OS9: variants seen among roughly 807,000 people sequenced by gnomAD.
OS9 encodes the protein protein OS-9.
In OS9, 58 loss-of-function variants were observed where a neutral mutation model predicts 84.7. The observed-to-expected ratio is 0.68, with a 90% confidence interval of 0.55 to 0.85. The LOEUF is 0.85. Ranked by LOEUF, OS9 falls within the 40% of genes least tolerant of loss-of-function variation. The pLI, the probability that OS9 is intolerant of heterozygous loss-of-function variation, is 0.00. For missense variants in OS9, 760 were observed against 850.9 expected (o/e 0.89, Z 1.33); for synonymous variants, 278 against 320.8 (o/e 0.87, Z 1.43).
chr12:57,715,402 A>G (rs566600828), intron 5 of OS9, among the ~76,000 whole-genome samples: 1 of 151,880 alleles, frequency 6.6e-6, no homozygotes, highest in African/African-American at 2.4e-5. Context: ...TATGAAGCAA[A>G]TAAAAGTATA....
chr12:57,718,210 C>T lies in OS9; in HGVS notation c.1199C>T (p.Pro400Leu), dbSNP rs757807358. The T allele has an allele frequency of 6.2e-7, 1 of 1,613,996 alleles. No individual in the cohort carries two copies. Among genetic ancestry groups the T allele is most frequent in the Non-Finnish European group, 8.5e-7 (1 of 1,180,012 alleles). Residue 400 changes from proline (P) to leucine (L), a missense_variant, in exon 11 of 15, where the codon CCA (proline) becomes CTA (leucine). By Grantham distance (98) the Pro-to-Leu change is moderately conservative (BLOSUM62 -3). Transcript: ENST00000315970. ...GCTGCAGAAGTCCCTCAGAGGGAAC[C>T]AGAGAAGGAAAGGGGTGATCCAGAA... ...DDAAEVPQREPEKERGDPERQ... is the reference protein window; with the variant it reads ...DDAAEVPQRELEKERGDPERQ...
At chr12:57,697,939 A>AAG (rs1953912097) in intron 5 of OS9, among the ~76,000 whole-genome samples, 1 of 146,830 alleles carries the variant, frequency 6.8e-6, no homozygotes, top group Non-Finnish European at 1.5e-5. Context: ...ACACACACAC[A>AAG]CACACACACA....
At chr12:57,708,555 G>C (rs1028413170) in intron 5 of OS9, among the ~76,000 whole-genome samples, 22 of 151,716 alleles carry the variant, frequency 1.5e-4, no homozygotes, top group African/African-American at 5.3e-4. Flanking sequence ...TTCAGCCCAG[G>C]AGGTCAAGGT....
rs547509058 is a variant in OS9, at chr12:57,719,226, T to C, written c.1600+44T>C. On this transcript the variant is annotated intron_variant, in intron 12 of 14. Transcript: ENST00000315970. The stretch of plus-strand genomic sequence containing the variant: ...GAAAGAGTAGCCCAGTCTGTTGTTT[T>C]CATCCCTCAGCTGGTTCTGTTCCCA... 267 of 1,559,526 alleles carry C rather than the reference T, an allele frequency of 1.7e-4. 1 individual carries two copies. In the South Asian group the frequency reaches 2.3e-3, roughly 13 times the overall value.
chr12:57,695,913 T>G (rs1953814530), intron 3 of OS9, 49 bp from the exon 4 acceptor site: 1 of 1,569,742 alleles, frequency 6.4e-7, no homozygotes, highest in African/African-American at 1.3e-5. Context: ...TCCCTCCTCC[T>G]CCTCCTCCTC....
chr12:57,717,943 A>T lies in OS9; in HGVS notation c.1119A>T (p.Lys373Asn). ...TGATTCGATTCATAGAGGAGCTGAA[A>T]GGTGGAACAAAAAAGGTATAGGCCG... ...ADLIRFIEELKGGTKKGKPNI... is the reference protein window; with the variant it reads ...ADLIRFIEELNGGTKKGKPNI... The change falls in exon 10 of 15, where the codon AAA (lysine) becomes AAT (asparagine). Residue 373 changes from lysine (K) to asparagine (N), a missense_variant. Physicochemically the swap from Lys to Asn is moderately conservative, Grantham distance 94 (BLOSUM62 0). Coordinates refer to ENST00000315970, the MANE Select transcript of OS9 (RefSeq NM_006812.4). 1 of 1,612,616 alleles carries T rather than the reference A, an allele frequency of 6.2e-7. No homozygotes were observed. The highest frequency in any genetic ancestry group is 8.5e-7 in the Non-Finnish European group (1 of 1,179,416).
rs1353805301 is a variant in OS9 at position 57,719,129 on chromosome 12, A to G, written c.1547A>G (p.His516Arg). 1 of 1,614,054 alleles carries G rather than the reference A, an allele frequency of 6.2e-7. No individual in the cohort carries two copies. Among genetic ancestry groups the G allele is most frequent in the Non-Finnish European group, 8.5e-7 (1 of 1,180,042 alleles). The change falls in exon 12 of 15, where the codon CAC (histidine) becomes CGC (arginine). Residue 516 changes from histidine (H) to arginine (R), a missense_variant. Transcript: ENST00000315970. ...EKQSPELVKK[H>R]KKKRVVPKKP... ...CAGAGTCCAGAGCTGGTGAAGAAGC[A>G]CAAGAAAAAGAGGGTTGTCCCCAAA...
At chr12:57,705,070 CATTTTCTTCTTGGCTTCTCTTTTGTTCCA>C (rs1172049738) in intron 5 of OS9, among the ~76,000 whole-genome samples, 3 of 152,222 alleles carry the variant, frequency 2.0e-5, no homozygotes, top group Non-Finnish European at 4.4e-5. Flanking sequence ...AATATATGTG[CATTTTCTTCTTGGCTTCTCTTTTGTTCCA>C]ATAGTCTATC....
At chr12:57,697,908 A>AACAC (rs1265642283) in intron 5 of OS9, among the ~76,000 whole-genome samples, 28 of 75,102 alleles carry the variant, frequency 3.7e-4, no homozygotes, top group African/African-American at 6.8e-4. Flanking sequence ...AACATAAGCA[A>AACAC]ACACACACAC....
chr12:57,718,482 G>T, intron 11 of OS9, 61 bp downstream of exon 11: 5 of 1,549,634 alleles, frequency 3.2e-6, no homozygotes, highest in Non-Finnish European at 4.4e-6. Flanking sequence ...AGCAGGACAG[G>T]CTGACGGGCT....
intron 9 of OS9, 68 bp downstream of exon 9, chr12:57,716,812 G>C: frequency 7.0e-7 from 1 of 1,434,666 alleles, no homozygotes; most frequent in East Asian, 2.3e-5. Context: ...GGATGGAGGG[G>C]AGAGCTAAGC....
At chr12:57,706,846 G>GAA (rs11423380) in intron 5 of OS9, among the ~76,000 whole-genome samples, 16,474 of 41,360 alleles carry the variant, frequency 0.4, 4,163 homozygotes, top group Middle Eastern at 0.57. Context: ...ATGACTCTCT[G>GAA]AAAAAAAAAA....
At chr12:57,719,894 T>G in intron 12 of OS9, 2 of 530,832 alleles carry the variant, frequency 3.8e-6, no homozygotes, top group African/African-American at 1.9e-5. Context: ...GGCGGGAAGA[T>G]GGAAGGCTGC....
In OS9 at chr12:57,720,416, G is replaced by A. The variant is rs1270647875; in HGVS notation, c.1776G>A (p.Glu592=). ...REGLTAAGKI[E]IKIVRPWAEG... Reference sequence around the variant, plus strand: ...ACTGCTCCTTTCCAGGGAAAATTGAGATCAAAATTGTCCGCCCATGGGCTG... The same window carrying A: ...ACTGCTCCTTTCCAGGGAAAATTGAAATCAAAATTGTCCGCCCATGGGCTG... Residue 592 remains glutamate (E), a synonymous_variant, in exon 14 of 15, where the codon GAG becomes GAA. Transcript: ENST00000315970. The A allele has an allele frequency of 5.6e-6, 9 of 1,613,640 alleles. No individual in the cohort carries two copies. In the African/African-American group the frequency reaches 1.1e-4, roughly 19 times the overall value.
chr12:57,707,437 C>A (rs925970059), intron 5 of OS9, among the ~76,000 whole-genome samples: 2 of 152,192 alleles, frequency 1.3e-5, no homozygotes, highest in Non-Finnish European at 2.9e-5. Flanking sequence ...GAGCCAGAGT[C>A]TCACATGGTG....
chr12:57,718,808 G>A (rs757908442), intron 11 of OS9, among the ~76,000 whole-genome samples, 185 bp from the exon 12 acceptor site: 5 of 151,280 alleles, frequency 3.3e-5, no homozygotes, highest in Non-Finnish European at 7.3e-5. Context: ...GGAAGGCTGA[G>A]GCAAGAGAAT....
At chr12:57,700,643 A>G (rs1340686135) in intron 5 of OS9, among the ~76,000 whole-genome samples, 1 of 152,154 alleles carries the variant, frequency 6.6e-6, no homozygotes, top group African/African-American at 2.4e-5. Flanking sequence ...CTGGTTAGCT[A>G]TATGGAATTA....
rs954964247 is a variant in OS9 at position 57,720,020 on chromosome 12, A to C, written c.1601-79A>C. ...AGCTGCCAAAGCCAACTGATGTTTT[A>C]GGGGGAGATGACCCCCACACCCCTA... is the stretch of plus-strand genomic sequence containing the variant. On this transcript the variant is annotated intron_variant, in intron 12 of 14. Transcript: ENST00000315970. 3.8e-6 allele frequency: 5 copies of C among 1,323,738 alleles called. No homozygotes were observed. In the South Asian group the frequency reaches 6.7e-5, roughly 18 times the overall value. The allele number at this position is 1,323,738 out of a possible 1,614,324, so 82.0% of individuals were successfully genotyped here.
intron 5 of OS9, among the ~76,000 whole-genome samples, chr12:57,700,483 A>G (rs898581302): frequency 1.3e-5 from 2 of 152,104 alleles, no homozygotes; most frequent in African/African-American, 4.8e-5. Flanking sequence ...GGTTGCTTCT[A>G]GTTTTCAGTT....
Sources: allele counts gnomAD v4.1 joint callset (sites outside exome capture counted in the v4.1 genomes callset), GRCh38; gene constraint gnomAD v4.1.1; transcripts MANE v1.5; gene names NCBI Gene and HGNC (gene_info 2026-07-23, HGNC 2026-07-21).